The following ARHGAP42 variants were observed in gnomAD, a reference collection of about 807,000 sequenced individuals.
ARHGAP42 encodes the protein rho GTPase-activating protein 42.
ARHGAP42 carries 63 observed loss-of-function variants against 125.0 expected under a neutral mutation model. That is an observed-to-expected ratio of 0.50 (90% confidence interval 0.41 to 0.62). The LOEUF is 0.62. Among genes scored for constraint, ARHGAP42 ranks in the 20% least tolerant of loss-of-function variants. The pLI is 0.00. For missense variants in ARHGAP42, 766 were observed against 1,024.2 expected, an observed-to-expected ratio of 0.75 and a Z score of 3.44; for synonymous variants, 339 against 351.0, an observed-to-expected ratio of 0.97 and a Z score of 0.38.
In ARHGAP42 at chr11:100,690,329, A is replaced by G. The variant is rs192501106; in HGVS notation, c.154+2497A>G. 3.5e-3 allele frequency among the ~76,000 whole-genome samples: 540 copies of G among 152,208 alleles called. 4 individuals carry two copies. Among genetic ancestry groups the G allele is most frequent in the African/African-American group, 0.012 (516 of 41,522 alleles). ...TTAAGCAATTATCAGTGTATTTCTA[A>G]GCATATTATATTATTTTTATCCCTG... On this transcript the variant is annotated intron_variant, in intron 1 of 23. Transcript: ENST00000298815.
chr11:100,690,253 C>T (rs1861164005), intron 1 of ARHGAP42, among the ~76,000 whole-genome samples: 1 of 151,484 alleles, frequency 6.6e-6, no homozygotes, highest in Non-Finnish European at 1.5e-5. Context: ...GTTTTTTTAG[C>T]ACGGCACTGT....
chr11:100,770,740 G>A (rs1260884426), intron 2 of ARHGAP42, among the ~76,000 whole-genome samples: 1 of 152,142 alleles, frequency 6.6e-6, no homozygotes, highest in African/African-American at 2.4e-5. Flanking sequence ...ACCATGCCCA[G>A]CTAATTTTTT....
At chr11:100,883,671 A>G (rs1325543853) in intron 4 of ARHGAP42, among the ~76,000 whole-genome samples, 2 of 152,192 alleles carry the variant, frequency 1.3e-5, no homozygotes, top group African/African-American at 4.8e-5. Context: ...TGATATTGTT[A>G]TATAAAATAT....
Position 100,990,628 on chromosome 11 carries a change from G to A in ARHGAP42, c.*1827G>A, listed in dbSNP as rs988557143. The A allele has an allele frequency of 6.6e-6, 1 of 152,460 alleles. No homozygotes were observed. Among genetic ancestry groups the A allele is most frequent in the Admixed American group, 6.6e-5 (1 of 15,260 alleles). 9.4% of individuals were successfully genotyped at this position (152,460 alleles called of 1,614,324 possible). On this transcript the variant is annotated 3_prime_UTR_variant, in exon 24 of 24. Transcript: ENST00000298815. ...TCTGTGCACTGTAATAAGGTGTGTT[G>A]CTGGATCTTCTTGGTCGAGGTCCTT... is the stretch of plus-strand genomic sequence containing the variant.
chr11:100,759,506 G>T (rs1177267210), intron 1 of ARHGAP42, among the ~76,000 whole-genome samples: 4 of 152,064 alleles, frequency 2.6e-5, no homozygotes, highest in African/African-American at 9.7e-5. Context: ...AGGCTGGAGG[G>T]GTTCTCTGCC....
At chr11:100,700,079 G>A (rs995373314) in intron 1 of ARHGAP42, among the ~76,000 whole-genome samples, 7 of 152,020 alleles carry the variant, frequency 4.6e-5, no homozygotes, top group African/African-American at 7.2e-5. Flanking sequence ...GCAGACCACC[G>A]CAATAAAGTG....
chr11:100,941,811 A>C lies in ARHGAP42; in HGVS notation c.860A>C (p.His287Pro). 2 of 1,530,668 alleles carry C rather than the reference A, an allele frequency of 1.3e-6. No individual in the cohort carries two copies. Among genetic ancestry groups the C allele is most frequent in the Non-Finnish European group, 1.8e-6 (2 of 1,140,948 alleles). The allele number at this position is 1,530,668 out of a possible 1,614,324, so 94.8% of individuals were successfully genotyped here. Reference sequence around the variant, plus strand: ...CCGCTTGGTTTTACATGGATTAAACATTATTGTACATATGATAAGGGAAGT... The same window carrying C: ...CCGCTTGGTTTTACATGGATTAAACCTTATTGTACATATGATAAGGGAAGT... Reference protein sequence around the residue: ...KRPLGFTWIKHYCTYDKGSKT... With the variant: ...KRPLGFTWIKPYCTYDKGSKT... Residue 287 changes from histidine (H) to proline (P), a missense_variant, in exon 9 of 24, where the codon CAT (histidine) becomes CCT (proline). Physicochemically the swap from His to Pro is moderately conservative, Grantham distance 77. Transcript: ENST00000298815.
chr11:100,767,643 C>T (rs114647723), intron 1 of ARHGAP42, among the ~76,000 whole-genome samples: 2,929 of 152,094 alleles, frequency 0.019, 43 homozygotes, highest in African/African-American at 0.046. Flanking sequence ...TTCAGAAGAA[C>T]GCTTGGTGGT....
At chr11:100,836,796 G>T (rs1864798823) in intron 3 of ARHGAP42, among the ~76,000 whole-genome samples, 1 of 131,424 alleles carries the variant, frequency 7.6e-6, no homozygotes. Flanking sequence ...AAAACAGTAA[G>T]CATATATAAT....
chr11:100,948,574 T>C (rs633967), intron 11 of ARHGAP42, 39 bp downstream of exon 11: 1,233,803 of 1,415,196 alleles, frequency 0.87, 538,539 homozygotes, highest in East Asian at 1. Context: ...GGTTTTATTG[T>C]CCTAATAATT....
chr11:100,983,127 C>G (rs1858584381), intron 22 of ARHGAP42, among the ~76,000 whole-genome samples: 1 of 152,070 alleles, frequency 6.6e-6, no homozygotes, highest in African/African-American at 2.4e-5. Context: ...TCTCACAACA[C>G]CTTTATAAAC....
chr11:100,931,780 A>AT (rs1371354932), intron 6 of ARHGAP42, among the ~76,000 whole-genome samples: 1 of 152,142 alleles, frequency 6.6e-6, no homozygotes, highest in African/African-American at 2.4e-5. Flanking sequence ...TATTAAAGGT[A>AT]TTTTTGATCC....
At chr11:100,826,582 A>G (rs1864519142) in intron 3 of ARHGAP42, among the ~76,000 whole-genome samples, 1 of 152,296 alleles carries the variant, frequency 6.6e-6, no homozygotes, top group African/African-American at 2.4e-5. Flanking sequence ...TCTAGACCTT[A>G]CCAGCTCCTG....
At chr11:100,803,964 A>C (rs1193730839) in intron 3 of ARHGAP42, among the ~76,000 whole-genome samples, 1 of 152,050 alleles carries the variant, frequency 6.6e-6, no homozygotes, top group Non-Finnish European at 1.5e-5. Context: ...GACCTGTGTA[A>C]GTTACAAATT....
chr11:100,934,004 C>T (rs1867657914), intron 7 of ARHGAP42, among the ~76,000 whole-genome samples: 1 of 152,122 alleles, frequency 6.6e-6, no homozygotes, highest in Non-Finnish European at 1.5e-5. Context: ...TCAGGCTGGT[C>T]TCGAACTCCC....
intron 4 of ARHGAP42, among the ~76,000 whole-genome samples, chr11:100,879,612 G>A (rs1354877053): frequency 6.6e-6 from 1 of 151,970 alleles, no homozygotes; most frequent in Non-Finnish European, 1.5e-5. Context: ...TTCCTCTTCC[G>A]ACACCCACAT....
intron 4 of ARHGAP42, among the ~76,000 whole-genome samples, chr11:100,888,325 C>T (rs533086399): frequency 1.8e-4 from 28 of 151,902 alleles, no homozygotes; most frequent in African/African-American, 5.8e-4. Flanking sequence ...GTGATAGTTT[C>T]ATTTCTTGTA....
chr11:100,783,073 A>T (rs1863351963), intron 2 of ARHGAP42, among the ~76,000 whole-genome samples: 2 of 152,114 alleles, frequency 1.3e-5, no homozygotes, highest in Admixed American at 1.3e-4. Context: ...CAGGGTGATG[A>T]CCGTAAGATC....
chr11:100,956,567 G>C (rs148425988), intron 12 of ARHGAP42, among the ~76,000 whole-genome samples: 4 of 138,734 alleles, frequency 2.9e-5, no homozygotes, highest in Non-Finnish European at 6.2e-5. Flanking sequence ...TGTATCACAT[G>C]ACCAAGCCTG....
Sources: gnomAD v4.1 joint callset for allele counts (sites outside exome capture counted in the v4.1 genomes callset) on GRCh38, gnomAD v4.1.1 for gene constraint, MANE v1.5 for transcripts, NCBI Gene and HGNC (gene_info 2026-07-23, HGNC 2026-07-21) for gene names.